The following ZNF519 variants were observed in gnomAD, a reference collection of about 807,000 sequenced individuals.
ZNF519 encodes the protein similar to Zinc finger protein 85 (Zinc finger protein HPF4) (HTF1).
In ZNF519, 7 loss-of-function variants were observed where a neutral mutation model predicts 7.4. The ratio of observed to expected loss-of-function variants is 0.94; its 90% CI spans 0.54 to 1.77. ZNF519 has a LOEUF of 1.77. ZNF519 is among the 40% of genes most tolerant of loss of function. The pLI is 0.00. For synonymous variants in ZNF519, 179 were observed against 203.3 expected, an observed-to-expected ratio of 0.88 and a Z score of 1.02; for missense variants, 586 against 623.1, an observed-to-expected ratio of 0.94 and a Z score of 0.63.
chr18:14,104,404 C>A lies in ZNF519; in HGVS notation c.*513G>T, dbSNP rs2046177172. On this transcript the variant is annotated 3_prime_UTR_variant, in exon 3 of 3. Coordinates refer to ENST00000590202, the MANE Select transcript of ZNF519 (RefSeq NM_145287.4). ...CATCCTATATGCCAATGCTCTTAGT[C>A]TTCCATGGGAAACTTGTGAATGACG... 6.5e-6 allele frequency: 1 copy of A among 152,982 alleles called. No individual in the cohort carries two copies. The highest frequency in any genetic ancestry group is 6.5e-5 in the Admixed American group (1 of 15,388). The allele number at this position is 152,982 out of a possible 1,614,324, so 9.5% of individuals were successfully genotyped here. A position where few individuals can be genotyped will look rare whatever the true frequency, so the allele number is the denominator to read the frequency against.
chr18:14,087,233 T>A (rs566879828), intron 2 of ZNF519, among the ~76,000 whole-genome samples: 1 of 152,160 alleles, frequency 6.6e-6, no homozygotes, highest in Non-Finnish European at 1.5e-5. Context: ...AGAACCATCA[T>A]ACTGAATGGG....
intron 2 of ZNF519, among the ~76,000 whole-genome samples, chr18:14,094,433 ATTATG>A (rs2046126663): frequency 6.6e-6 from 1 of 152,106 alleles, no homozygotes; most frequent in African/African-American, 2.4e-5. Flanking sequence ...TACGGCCTTT[ATTATG>A]TTAAGGTGTT....
In ZNF519 at chr18:14,102,740, TAA is replaced by T. The variant is rs2046168146; in HGVS notation, c.*2175_*2176del. On this transcript the variant is annotated 3_prime_UTR_variant, in exon 3 of 3. Coordinates refer to ENST00000590202, the MANE Select transcript of ZNF519 (RefSeq NM_145287.4). ...TAAACTAATATACAACCAATTTTGTTAAGTTTAGCTTTTTTAATAAAACAATA... is the reference window on the plus strand; with the variant it reads ...TAAACTAATATACAACCAATTTTGTTGTTTAGCTTTTTTAATAAAACAATA... 6.6e-6 allele frequency: 1 copy of T among 152,248 alleles called. No individual in the cohort carries two copies. Among genetic ancestry groups the T allele is most frequent in the South Asian group, 2.1e-4 (1 of 4,824 alleles). The allele number at this position is 152,248 out of a possible 1,614,324, so 9.4% of individuals were successfully genotyped here.
At chr18:14,071,912 T>C (rs1184973908), downstream of ZNF519, 3 of 152,178 alleles carry the variant, frequency 2.0e-5, no homozygotes, top group East Asian at 1.9e-4. Context: ...AAGTGAAGGC[T>C]ATATCTGAGG....
chr18:14,109,166 T>G lies in ZNF519; in HGVS notation c.131-2757A>C, dbSNP rs76362507. On this transcript the variant is annotated intron_variant, in intron 2 of 2. Coordinates refer to ENST00000590202, the MANE Select transcript of ZNF519 (RefSeq NM_145287.4). The stretch of plus-strand genomic sequence containing the variant: ...ATGAGGTTAATTCATCAAGAAGATA[T>G]AAGAATGTTACATACATATGCACCT... Among the ~76,000 whole-genome samples the G allele has an allele frequency of 2.4e-3, 369 of 151,426 alleles. 3 individuals are homozygous for G. The highest frequency in any genetic ancestry group is 8.6e-3 in the African/African-American group (356 of 41,242).
intron 2 of ZNF519, chr18:14,089,968 G>T (rs2046107396): frequency 6.6e-6 from 1 of 152,234 alleles, no homozygotes; most frequent in Admixed American, 6.5e-5. Flanking sequence ...CGGTGCAATG[G>T]AGGGACTGCA....
Position 14,101,491 on chromosome 18 carries a change from G to C in ZNF519, c.*3426C>G, listed in dbSNP as rs2046160984. 1 of 395,772 alleles carries C rather than the reference G, an allele frequency of 2.5e-6. No homozygotes were observed. Among genetic ancestry groups the C allele is most frequent in the Non-Finnish European group, 4.4e-6 (1 of 224,946 alleles). 24.5% of individuals were successfully genotyped at this position (395,772 alleles called of 1,614,324 possible). A position where few individuals can be genotyped will look rare whatever the true frequency, so the allele number is the denominator to read the frequency against. On this transcript the variant is annotated 3_prime_UTR_variant, in exon 3 of 3. Coordinates refer to ENST00000590202, the MANE Select transcript of ZNF519 (RefSeq NM_145287.4). The stretch of plus-strand genomic sequence containing the variant: ...CCGATTGTACACCTGAACAGTGCTG[G>C]GGTGAAATGGTGGGGCTGAAGGAAG...
intron 1 of ZNF519, among the ~76,000 whole-genome samples, chr18:14,127,981 A>C (rs2046309072): frequency 6.6e-6 from 1 of 151,468 alleles, no homozygotes; most frequent in African/African-American, 2.4e-5. Flanking sequence ...AAGCAAACCC[A>C]TTTCCGACCC....
intron 3 of ZNF519, among the ~76,000 whole-genome samples, chr18:14,084,714 T>C (rs1393600497): frequency 6.6e-6 from 1 of 152,122 alleles, no homozygotes; most frequent in Non-Finnish European, 1.5e-5. Context: ...CTGGTGCTCC[T>C]CCTCATTGCA....
downstream of ZNF519, among the ~76,000 whole-genome samples, chr18:14,095,009 T>C (rs948066723): frequency 2.0e-5 from 3 of 152,226 alleles, no homozygotes; most frequent in African/African-American, 7.2e-5. Context: ...GTCCGTAAGA[T>C]TATACAACTT....
At chr18:14,083,036 A>C (rs1249847050) in intron 3 of ZNF519, 1 of 152,154 alleles carries the variant, frequency 6.6e-6, no homozygotes, top group Admixed American at 6.6e-5. Context: ...AATTGCATAC[A>C]TACAAAATTT....
chr18:14,126,399 T>G (rs939156624), intron 1 of ZNF519, among the ~76,000 whole-genome samples: 4 of 152,222 alleles, frequency 2.6e-5, no homozygotes, highest in African/African-American at 9.6e-5. Flanking sequence ...ATATTTATTC[T>G]TAGCAAGGTA....
intron 2 of ZNF519, among the ~76,000 whole-genome samples, chr18:14,085,407 TTTTTTGGAAAAAAAA>T (rs1260543500): frequency 4.1e-4 from 63 of 152,148 alleles, no homozygotes; most frequent in African/African-American, 8.0e-4. Flanking sequence ...GAAGGGTGAT[TTTTTTGGAAAAAAAA>T]TTTTTGGAAA....
At chr18:14,091,817 T>C (rs973429919) in intron 2 of ZNF519, among the ~76,000 whole-genome samples, 1 of 151,628 alleles carries the variant, frequency 6.6e-6, no homozygotes, top group Non-Finnish European at 1.5e-5. Flanking sequence ...ACCTGAGCAG[T>C]GAGGACACCT....
intron 2 of ZNF519, among the ~76,000 whole-genome samples, chr18:14,106,786 G>T (rs1182435569): frequency 6.6e-6 from 1 of 152,088 alleles, no homozygotes; most frequent in Admixed American, 6.6e-5. Flanking sequence ...GATAGAAGCT[G>T]TACACTTGGG....
At chr18:14,083,065 C>G (rs144290812) in intron 3 of ZNF519, among the ~76,000 whole-genome samples, 1 of 152,238 alleles carries the variant, frequency 6.6e-6, no homozygotes, top group African/African-American at 2.4e-5. Context: ...TAAAAAAAGA[C>G]CCGGTCAGGT....
Position 14,105,743 on chromosome 18 carries a change from T to G in ZNF519, c.797A>C (p.Lys266Thr), listed in dbSNP as rs2046186870. ...KIINTGEKSVKYKERGKAFTR... is the reference protein window; with the variant it reads ...KIINTGEKSVTYKERGKAFTR... ...AAAAGCTTTGCCACGTTCTTTATATTTCACTGATTTTTCTCCAGTGTTAAT... is the reference window on the plus strand; with the variant it reads ...AAAAGCTTTGCCACGTTCTTTATATGTCACTGATTTTTCTCCAGTGTTAAT... The change falls in exon 3 of 3, where the codon AAA becomes ACA. Residue 266 changes from lysine to threonine, a missense_variant. Transcript: ENST00000590202. 4 of 1,613,948 alleles carry G rather than the reference T, an allele frequency of 2.5e-6. No individual in the cohort carries two copies. Among genetic ancestry groups the G allele is most frequent in the Non-Finnish European group, 8.5e-7 (1 of 1,179,980 alleles).
Position 14,105,122 on chromosome 18 carries a change from G to A in ZNF519, c.1418C>T (p.Ser473Leu), listed in dbSNP as rs1201483439. ...EECGKAFIWG[S>L]HLTQHQRVHT... ...GACTCTCTGATGTTGAGTAAGGTGT[G>A]AGCCCCAGATAAAAGCTTTGCCACA... is the stretch of plus-strand genomic sequence containing the variant. Residue 473 changes from serine to leucine, a missense_variant, in exon 3 of 3, where the codon TCA becomes TTA. Coordinates refer to ENST00000590202, the MANE Select transcript of ZNF519 (RefSeq NM_145287.4). The A allele has an allele frequency of 1.2e-6, 2 of 1,613,672 alleles. No individual in the cohort carries two copies. Among genetic ancestry groups the A allele is most frequent in the Non-Finnish European group, 1.7e-6 (2 of 1,179,822 alleles).
At chr18:14,117,793 A>G (rs1007924583) in intron 2 of ZNF519, among the ~76,000 whole-genome samples, 2 of 152,042 alleles carry the variant, frequency 1.3e-5, no homozygotes, top group African/African-American at 4.8e-5. Context: ...GTGCCACATG[A>G]TTTTTAAAAA....
Sources: allele counts gnomAD v4.1 joint callset (sites outside exome capture counted in the v4.1 genomes callset), GRCh38; gene constraint gnomAD v4.1.1; transcripts MANE v1.5; gene names NCBI Gene and HGNC (gene_info 2026-07-23, HGNC 2026-07-21).